Variants in ERICH6B observed in about 807,000 individuals in gnomAD.
The protein encoded by ERICH6B is glutamate-rich protein 6B.
Under a neutral mutation model 80.0 loss-of-function variants are expected in ERICH6B, and 69 were observed. The observed-to-expected ratio is 0.86, with a 90% CI of 0.71 to 1.05. The LOEUF (loss-of-function observed/expected upper bound fraction) is 1.05. Ranked by LOEUF, ERICH6B falls within the 50% of genes least tolerant of loss-of-function variation. ERICH6B has a pLI of 0.00. For synonymous variants in ERICH6B, 283 were observed against 291.9 expected (o/e 0.97, Z 0.31); for missense variants, 754 against 796.1 (o/e 0.95, Z 0.64).
chr13:45,590,552 T>C (rs991730011), intron 4 of ERICH6B, 97 bp downstream of exon 4: 1 of 1,197,394 alleles, frequency 8.4e-7, no homozygotes, highest in Non-Finnish European at 1.2e-6. Context: ...CCTCCCCTAC[T>C]CCATGCCACT....
chr13:45,569,574 G>T (rs1411914045), intron 8 of ERICH6B, among the ~76,000 whole-genome samples: 1 of 152,164 alleles, frequency 6.6e-6, no homozygotes, highest in Non-Finnish European at 1.5e-5. Context: ...GGACAGCCAG[G>T]GATCGGTCAT....
intron 13 of ERICH6B, among the ~76,000 whole-genome samples, chr13:45,546,634 G>A (rs1874003701): frequency 2.0e-5 from 3 of 152,144 alleles, no homozygotes; most frequent in African/African-American, 7.2e-5. Flanking sequence ...AGATATACCT[G>A]TCTTGCATCT....
intron 9 of ERICH6B, among the ~76,000 whole-genome samples, chr13:45,564,221 T>C (rs145609543): frequency 6.6e-6 from 1 of 152,324 alleles, no homozygotes; most frequent in East Asian, 1.9e-4. Context: ...CAATTTCAAA[T>C]AGCCTTACTC....
rs930735953 is a variant in ERICH6B at position 45,563,582 on chromosome 13, C to T, written c.1249+145G>A. 4.0e-6 allele frequency: 3 copies of T among 747,034 alleles called. No individual in the cohort carries two copies. The African/African-American group carries it at 5.3e-5, about 13-fold the overall frequency. The allele number at this position is 747,034 out of a possible 1,614,324, so 46.3% of individuals were successfully genotyped here. On this transcript the variant is annotated intron_variant, in intron 10 of 14. Coordinates refer to ENST00000298738, the MANE Select transcript of ERICH6B (RefSeq NM_182542.3). ...GCCATGCTCGGTATTTCATCCCTGGCAGCCAGGACCACATCAGCCCTGTAG... is the reference window on the plus strand; with the variant it reads ...GCCATGCTCGGTATTTCATCCCTGGTAGCCAGGACCACATCAGCCCTGTAG...
At chr13:45,569,970 C>T (rs1875083141) in intron 8 of ERICH6B, among the ~76,000 whole-genome samples, 1 of 152,128 alleles carries the variant, frequency 6.6e-6, no homozygotes, top group Admixed American at 6.5e-5. Flanking sequence ...ATGATCTATC[C>T]CCATTCTGTT....
At chr13:45,589,047 C>T (rs764973391) in intron 4 of ERICH6B, among the ~76,000 whole-genome samples, 4 of 151,060 alleles carry the variant, frequency 2.6e-5, no homozygotes, top group Non-Finnish European at 5.9e-5. Context: ...ATAAGGGACA[C>T]ATGACATGCT....
At chr13:45,597,135 G>A (rs756217908) in intron 2 of ERICH6B, 72 bp from the exon 3 acceptor site, 40 of 1,102,716 alleles carry the variant, frequency 3.6e-5, no homozygotes, top group African/African-American at 1.3e-4. Flanking sequence ...TTCCATTTTT[G>A]TTCACTTATT....
At chr13:45,609,174 T>C (rs911784122) in intron 1 of ERICH6B, among the ~76,000 whole-genome samples, 7 of 152,244 alleles carry the variant, frequency 4.6e-5, no homozygotes, top group Admixed American at 3.3e-4. Flanking sequence ...CCACTGCTTC[T>C]ATGTTGCTCC....
intron 9 of ERICH6B, among the ~76,000 whole-genome samples, chr13:45,565,660 A>G (rs1287351486): frequency 6.6e-6 from 1 of 152,192 alleles, no homozygotes; most frequent in African/African-American, 2.4e-5. Flanking sequence ...GTCTGCCACC[A>G]TGTGAGATGT....
chr13:45,556,891 G>T (rs1874465713), intron 11 of ERICH6B, among the ~76,000 whole-genome samples: 1 of 152,090 alleles, frequency 6.6e-6, no homozygotes, highest in South Asian at 2.1e-4. Flanking sequence ...GTGCTGCTAT[G>T]AACATGTGGG....
intron 4 of ERICH6B, among the ~76,000 whole-genome samples, chr13:45,588,755 T>C (rs1456605232): frequency 6.6e-6 from 1 of 152,200 alleles, no homozygotes; most frequent in Admixed American, 6.5e-5. Context: ...GGCTGGATCA[T>C]CTCAGGGCCT....
intron 5 of ERICH6B, among the ~76,000 whole-genome samples, chr13:45,584,611 G>A (rs1875819325): frequency 6.6e-6 from 1 of 152,206 alleles, no homozygotes; most frequent in Admixed American, 6.5e-5. Flanking sequence ...GGATGTTTCA[G>A]GCAGGGGTTC....
At chr13:45,574,962 G>C (rs1436622563) in intron 7 of ERICH6B, 32 bp from the exon 8 acceptor site, 3 of 1,425,176 alleles carry the variant, frequency 2.1e-6, no homozygotes, top group Non-Finnish European at 2.9e-6. Flanking sequence ...TCGAAAGGAA[G>C]GGCATGTGGA....
At position 45,544,950 on chromosome 13, in the gene ERICH6B, G is replaced by A; in HGVS notation, c.1682C>T (p.Pro561Leu). The A allele has an allele frequency of 6.4e-7, 1 of 1,551,332 alleles. No individual in the cohort carries two copies. Among genetic ancestry groups the A allele is most frequent in the East Asian group, 2.4e-5 (1 of 40,920 alleles). Residue 561 changes from proline (P) to leucine (L), a missense_variant, in exon 14 of 15, where the codon CCC (proline) becomes CTC (leucine). Physicochemically the swap from Pro to Leu is moderately conservative, Grantham distance 98. Transcript: ENST00000298738. ...CCAGGCCTTCTGGCGTTTGTCTTTG[G>A]GGAAGTAGTAGCCCAGGTTGGAGCT... is the stretch of plus-strand genomic sequence containing the variant. ...NLSSNLGYYF[P>L]KDKRQKAWNW...
At chr13:45,557,352 T>C (rs1167018521) in intron 11 of ERICH6B, among the ~76,000 whole-genome samples, 2 of 152,194 alleles carry the variant, frequency 1.3e-5, no homozygotes, top group Non-Finnish European at 2.9e-5. Context: ...ATGTATAGAT[T>C]GTGAAGATTT....
rs1215591133 is a variant in ERICH6B at position 45,607,596 on chromosome 13, A to C, written c.-91T>G. 1 of 152,452 alleles carries C rather than the reference A, an allele frequency of 6.6e-6. No individual in the cohort carries two copies. The highest frequency in any genetic ancestry group is 6.5e-5 in the Admixed American group (1 of 15,292). The allele number at this position is 152,452 out of a possible 1,614,324, so 9.4% of individuals were successfully genotyped here. A position where few individuals can be genotyped will look rare whatever the true frequency, so the allele number is the denominator to read the frequency against. ...GGGGGTAAACTGAGTCCAAGCCAAG[A>C]GAGTTTTCAACAATAACAGCTGAAG... is the stretch of plus-strand genomic sequence containing the variant. On this transcript the variant is annotated 5_prime_UTR_variant, in exon 2 of 15. Coordinates refer to ENST00000298738, the MANE Select transcript of ERICH6B (RefSeq NM_182542.3).
At chr13:45,566,876 T>C (rs1168912204) in intron 9 of ERICH6B, among the ~76,000 whole-genome samples, 1 of 152,178 alleles carries the variant, frequency 6.6e-6, no homozygotes, top group East Asian at 1.9e-4. Context: ...CACTGACAGC[T>C]TGCACTGTAC....
chr13:45,606,742 C>T (rs946135248), intron 2 of ERICH6B, among the ~76,000 whole-genome samples: 3 of 150,958 alleles, frequency 2.0e-5, no homozygotes, highest in Non-Finnish European at 4.4e-5. Context: ...TTAGTAGAGA[C>T]GGGGTTTCAC....
intron 8 of ERICH6B, among the ~76,000 whole-genome samples, chr13:45,571,837 A>G (rs1274285139): frequency 6.6e-6 from 1 of 152,282 alleles, no homozygotes; most frequent in Non-Finnish European, 1.5e-5. Context: ...TGGGGTGAAC[A>G]GATGTAGGAG....
Sources: gnomAD v4.1 joint callset for allele counts (sites outside exome capture counted in the v4.1 genomes callset) on GRCh38, gnomAD v4.1.1 for gene constraint, MANE v1.5 for transcripts, NCBI Gene and HGNC (gene_info 2026-07-23, HGNC 2026-07-21) for gene names.